The following ABCA13 variants were observed in gnomAD, a reference collection of about 807,000 sequenced individuals.
ABCA13 encodes ATP binding cassette subfamily A member 13.
A neutral mutation model predicts 478.7 loss-of-function variants in ABCA13; 476 were observed. That is an observed-to-expected ratio of 0.99 (90% CI 0.92 to 1.07). ABCA13 has a LOEUF of 1.07. Ranked by LOEUF, ABCA13 falls within the 50% of genes least tolerant of loss-of-function variation. The probability of loss-of-function intolerance (pLI) is 0.00; values close to 1 mark genes in which losing one functional copy is unlikely to be tolerated. For synonymous variants in ABCA13, 2,252 were observed against 2,158.9 expected (o/e 1.04, Z -1.20); for missense variants, 6,060 against 5,910.6 (o/e 1.03, Z -0.83).
chr7:48,230,741 ATCCATCCG>A (rs1057080654), intron 7 of ABCA13, among the ~76,000 whole-genome samples: 18 of 150,134 alleles, frequency 1.2e-4, no homozygotes, highest in Admixed American at 6.0e-4. Flanking sequence ...CCATTAATCC[ATCCATCCG>A]TCCATCCATC....
rs35693419 is a variant in ABCA13, at chr7:48,570,319, C to CTTTTTT, written c.14355-9887_14355-9882dup. ...TTCATTGTATATCTTTTTGCATCCT[C>CTTTTTT]TTTTTTTTTTTTTTTTTTTTTTTGA... is the stretch of plus-strand genomic sequence containing the variant. On this transcript the variant is annotated intron_variant, in intron 55 of 61. Transcript: ENST00000435803. Among the ~76,000 whole-genome samples the CTTTTTT allele has an allele frequency of 1.3e-3, 112 of 88,142 alleles. 1 individual carries two copies. Among genetic ancestry groups the CTTTTTT allele is most frequent in the East Asian group, 4.2e-3 (11 of 2,628 alleles). The allele number at this position is 88,142 out of a possible 152,430, so 57.8% of individuals were successfully genotyped here.
intron 16 of ABCA13, among the ~76,000 whole-genome samples, chr7:48,269,434 G>A (rs1392713755): frequency 6.6e-6 from 1 of 152,192 alleles, no homozygotes; most frequent in Non-Finnish European, 1.5e-5. Context: ...AGTTTAAGCA[G>A]GAAATCAATT....
In ABCA13 at chr7:48,272,708, A is replaced by T; in HGVS notation, c.3042A>T (p.Leu1014Phe). ...ACATCAGTAAAGCATTTGCATTTTT[A>T]TTTAAGACAGCAGAGGTTCTTGGGG... ...FQNISKAFAF[L>F]FKTAEVLGGI... The change falls in exon 17 of 62, where the codon TTA (leucine) becomes TTT (phenylalanine). Residue 1014 changes from leucine (L) to phenylalanine (F), a missense_variant. Around this residue, in one of 3 missense-constraint regions of ABCA13, gnomAD observed 4,423 missense variants for 4,309.1 expected, o/e 1.03. Coordinates refer to ENST00000435803, the MANE Select transcript of ABCA13 (RefSeq NM_152701.5). 6.2e-7 allele frequency: 1 copy of T among 1,611,742 alleles called. No individual in the cohort carries two copies. Among genetic ancestry groups the T allele is most frequent in the Non-Finnish European group, 8.5e-7 (1 of 1,178,596 alleles).
At chr7:48,247,798 G>A (rs1421421396) in intron 13 of ABCA13, among the ~76,000 whole-genome samples, 1 of 152,096 alleles carries the variant, frequency 6.6e-6, no homozygotes, top group East Asian at 1.9e-4. Context: ...AAACAGGCAA[G>A]GAGGGAGAGT....
chr7:48,222,775 G>A (rs771905665), intron 5 of ABCA13, among the ~76,000 whole-genome samples: 18 of 152,122 alleles, frequency 1.2e-4, no homozygotes, highest in Non-Finnish European at 2.4e-4. Context: ...ATGTTATACC[G>A]TTTGATTTTC....
intron 39 of ABCA13, among the ~76,000 whole-genome samples, chr7:48,407,070 C>G (rs1221165135): frequency 1.3e-5 from 2 of 151,958 alleles, no homozygotes; most frequent in African/African-American, 4.8e-5. Flanking sequence ...GTATAATTGA[C>G]AAATGAAAAT....
At chr7:48,387,552 G>A (rs1322230576) in intron 35 of ABCA13, among the ~76,000 whole-genome samples, 1 of 152,116 alleles carries the variant, frequency 6.6e-6, no homozygotes, top group African/African-American at 2.4e-5. Flanking sequence ...CAAAAAGCAT[G>A]TATTGAACCC....
chr7:48,488,689 T>TTA (rs1829567454), intron 47 of ABCA13, among the ~76,000 whole-genome samples: 1 of 152,202 alleles, frequency 6.6e-6, no homozygotes, highest in Admixed American at 6.5e-5. Flanking sequence ...GATGGTTTGA[T>TTA]TAGTGTTTTT....
intron 57 of ABCA13, among the ~76,000 whole-genome samples, chr7:48,590,339 GAGAA>G (rs1789600000): frequency 6.6e-6 from 1 of 152,016 alleles, no homozygotes; most frequent in Non-Finnish European, 1.5e-5. Context: ...GGGAGAGAGA[GAGAA>G]AGAGAGAGAG....
intron 59 of ABCA13, chr7:48,626,767 G>A: frequency 1.0e-6 from 1 of 985,614 alleles, no homozygotes; most frequent in East Asian, 1.1e-4. Context: ...AGATAGTGAT[G>A]TCTTTAGAGA....
Position 48,244,649 on chromosome 7 carries a change from C to T in ABCA13, c.1336C>T (p.Gln446Ter), listed in dbSNP as rs1791394433. ...GTGGCCGGCACTGAAGAGATTTCTT[C>T]AGCTTGATGGAGCTCTCAGAAATGC... ...PQWPALKRFLQLDGALRNAIA... is the reference protein window; with the variant it reads ...PQWPALKRFL Residue 446 changes from glutamine to a stop codon, truncating the protein, a stop_gained, in exon 11 of 62, where the codon CAG becomes TAG. Transcript: ENST00000435803. LOFTEE classifies it high-confidence loss of function. 4 of 1,612,630 alleles carry T rather than the reference C, an allele frequency of 2.5e-6. No individual in the cohort carries two copies. The highest frequency in any genetic ancestry group is 3.4e-6 in the Non-Finnish European group (4 of 1,179,136).
chr7:48,293,613 G>A (rs1798896687), intron 20 of ABCA13, among the ~76,000 whole-genome samples: 1 of 152,140 alleles, frequency 6.6e-6, no homozygotes, highest in Admixed American at 6.5e-5. Flanking sequence ...AGATTCATGT[G>A]TATGTTTATA....
At chr7:48,231,572 T>C (rs1167860639) in intron 7 of ABCA13, among the ~76,000 whole-genome samples, 1 of 152,094 alleles carries the variant, frequency 6.6e-6, no homozygotes, top group Admixed American at 6.6e-5. Flanking sequence ...GAGGAGTAGA[T>C]TGGAGGCAGG....
chr7:48,237,976 C>T (rs1790218243), intron 8 of ABCA13, among the ~76,000 whole-genome samples: 2 of 152,222 alleles, frequency 1.3e-5, no homozygotes, highest in Non-Finnish European at 2.9e-5. Flanking sequence ...ATCAGGGACC[C>T]TGTGCTTTGA....
At chr7:48,182,124 C>G (rs769301592) in intron 1 of ABCA13, among the ~76,000 whole-genome samples, 2 of 152,092 alleles carry the variant, frequency 1.3e-5, no homozygotes, top group African/African-American at 4.8e-5. Context: ...GCACAACGTC[C>G]TAAGTCACTA....
intron 43 of ABCA13, among the ~76,000 whole-genome samples, chr7:48,459,713 T>G (rs4083233): frequency 0.35 from 52,677 of 151,970 alleles, 9,205 homozygotes; most frequent in East Asian, 0.46. Context: ...AACATGTCTA[T>G]AAATGATTAC....
intron 25 of ABCA13, among the ~76,000 whole-genome samples, chr7:48,313,973 GTGTGTGTGTA>G (rs991170448): frequency 1.4e-4 from 18 of 129,284 alleles, no homozygotes; most frequent in East Asian, 2.6e-4. Context: ...GGACTTATGT[GTGTGTGTGTA>G]TGTGTGTGTG....
intron 45 of ABCA13, among the ~76,000 whole-genome samples, chr7:48,479,228 T>C (rs894607096): frequency 1.3e-5 from 2 of 150,538 alleles, no homozygotes; most frequent in African/African-American, 4.9e-5. Context: ...AATCTACTCT[T>C]TTAGCAATTT....
intron 15 of ABCA13, among the ~76,000 whole-genome samples, chr7:48,256,403 TA>T (rs1429620316): frequency 1.3e-5 from 2 of 152,206 alleles, no homozygotes; most frequent in African/African-American, 4.8e-5. Flanking sequence ...TTGCCTAGGT[TA>T]TCTTCCAGGA....
Sources: allele counts gnomAD v4.1 joint callset (sites outside exome capture counted in the v4.1 genomes callset), GRCh38; gene constraint gnomAD v4.1.1; regional missense constraint gnomAD v4.1.1; transcripts MANE v1.5; gene names NCBI Gene and HGNC (gene_info 2026-07-23, HGNC 2026-07-21).